CNTLN: variants seen among roughly 807,000 people sequenced by gnomAD.
CNTLN encodes the protein centlein, centrosomal protein.
CNTLN carries 212 observed loss-of-function variants against 180.0 expected under a neutral mutation model. The observed-to-expected ratio is 1.18, with a 90% confidence interval of 1.05 to 1.32. The LOEUF is 1.32. Ranked by LOEUF, CNTLN falls within the 40% of genes most tolerant of loss-of-function variation. The pLI is 0.00. For synonymous variants in CNTLN, 722 were observed against 563.1 expected (o/e 1.28, Z -3.99); for missense variants, 2,095 against 1,610.9 (o/e 1.30, Z -5.14).
chr9:17,337,139 C>T (rs561902107), intron 10 of CNTLN, among the ~76,000 whole-genome samples: 1 of 152,206 alleles, frequency 6.6e-6, no homozygotes, highest in South Asian at 2.1e-4. Flanking sequence ...ATCCTTCGCC[C>T]ACTTTTTGAT....
intron 5 of CNTLN, among the ~76,000 whole-genome samples, chr9:17,263,212 TC>T (rs1827144016): frequency 1.0e-5 from 1 of 99,420 alleles, no homozygotes; most frequent in Admixed American, 1.5e-4. Flanking sequence ...CCCACAACAG[TC>T]CCCGGAGTGT....
intron 1 of CNTLN, among the ~76,000 whole-genome samples, chr9:17,139,418 T>C (rs985966226): frequency 2.0e-5 from 3 of 151,442 alleles, no homozygotes; most frequent in Admixed American, 6.6e-5. Context: ...GACAGTAGTT[T>C]GGGAGGCTGA....
chr9:17,296,843 T>A (rs1460368964), intron 6 of CNTLN, among the ~76,000 whole-genome samples: 1 of 152,210 alleles, frequency 6.6e-6, no homozygotes, highest in Non-Finnish European at 1.5e-5. Context: ...TTTGAGAACA[T>A]TAATGTTCTA....
chr9:17,222,164 G>A (rs902686051), intron 2 of CNTLN, among the ~76,000 whole-genome samples: 1 of 151,774 alleles, frequency 6.6e-6, no homozygotes, highest in African/African-American at 2.4e-5. Flanking sequence ...TATTTCCCTT[G>A]AACTATTTTG....
intron 18 of CNTLN, among the ~76,000 whole-genome samples, chr9:17,436,420 A>C (rs1282146639): frequency 6.6e-6 from 1 of 152,208 alleles, no homozygotes; most frequent in African/African-American, 2.4e-5. Context: ...AAATAATCTT[A>C]AATTAGTTTA....
At chr9:17,290,126 C>T (rs185558941) in intron 6 of CNTLN, among the ~76,000 whole-genome samples, 4 of 152,056 alleles carry the variant, frequency 2.6e-5, no homozygotes, top group African/African-American at 4.8e-5. Context: ...TGTTTTTTCC[C>T]CATCTTTGTG....
At chr9:17,174,556 C>G (rs997266809) in intron 2 of CNTLN, among the ~76,000 whole-genome samples, 11 of 152,018 alleles carry the variant, frequency 7.2e-5, no homozygotes, top group African/African-American at 2.7e-4. Context: ...ATTAGCCGGA[C>G]GTGGTGGTGG....
intron 23 of CNTLN, among the ~76,000 whole-genome samples, chr9:17,469,291 T>C (rs1831925412): frequency 6.6e-6 from 1 of 151,810 alleles, no homozygotes; most frequent in African/African-American, 2.4e-5. Flanking sequence ...ACTCATGACT[T>C]CCAATGGCAA....
intron 18 of CNTLN, among the ~76,000 whole-genome samples, chr9:17,446,901 A>C (rs1830464339): frequency 6.6e-6 from 1 of 152,228 alleles, no homozygotes; most frequent in African/African-American, 2.4e-5. Context: ...ATCAGAGATG[A>C]ATCAGCAGTC....
the CNTLN span, among the ~76,000 whole-genome samples, chr9:17,510,043 A>G: frequency 2.0e-5 from 3 of 152,164 alleles, no homozygotes; most frequent in African/African-American, 7.2e-5. Flanking sequence ...TATATCTGGA[A>G]TACAGGTGAT....
At chr9:17,295,859 G>A (rs574112608) in intron 6 of CNTLN, among the ~76,000 whole-genome samples, 1 of 152,150 alleles carries the variant, frequency 6.6e-6, no homozygotes, top group Admixed American at 6.5e-5. Flanking sequence ...CACTTATTGA[G>A]AGCATGCCCA....
chr9:17,164,457 G>GTTTTCTT (rs1554646252), intron 2 of CNTLN, among the ~76,000 whole-genome samples: 2 of 68,456 alleles, frequency 2.9e-5, no homozygotes, highest in African/African-American at 1.2e-4. Context: ...TTATTTTTAT[G>GTTTTCTT]TTTTTTTTTT....
Position 17,236,570 on chromosome 9 carries a change from C to G in CNTLN, c.831C>G (p.Ser277Arg). The G allele has an allele frequency of 6.2e-7, 1 of 1,607,890 alleles. No homozygotes were observed. Among genetic ancestry groups the G allele is most frequent in the South Asian group, 1.1e-5 (1 of 89,972 alleles). Residue 277 changes from serine to arginine, a missense_variant, in exon 5 of 26, where the codon AGC becomes AGG. By Grantham distance (110) the Ser-to-Arg change is moderately radical. Coordinates refer to ENST00000380647, the MANE Select transcript of CNTLN (RefSeq NM_017738.4). ...CACATTTGAGAAAAGAAAAATATAG[C>G]ACTGATGCAAAAATAAAGGTATACA... ...QEAHLRKEKY[S>R]TDAKIKTFED...
At chr9:17,324,253 C>A (rs1820114342) in intron 8 of CNTLN, among the ~76,000 whole-genome samples, 1 of 152,064 alleles carries the variant, frequency 6.6e-6, no homozygotes, top group South Asian at 2.1e-4. Flanking sequence ...AGTTTAATTC[C>A]ATGAATTTTA....
chr9:17,457,484 T>A lies in CNTLN; in HGVS notation c.3115-40T>A, dbSNP rs192477201. 671 of 1,090,272 alleles carry A rather than the reference T, an allele frequency of 6.2e-4. 4 individuals carry two copies. The African/African-American group carries it at 0.01, about 16-fold the overall frequency. 67.5% of individuals were successfully genotyped at this position (1,090,272 alleles called of 1,614,324 possible). A position where few individuals can be genotyped will look rare whatever the true frequency, so the allele number is the denominator to read the frequency against. ...TTGTTAGATTAAATATAGTTACTTT[T>A]AAAATATATTTATATTTATTTTCTT... On this transcript the variant is annotated intron_variant, in intron 18 of 25. Coordinates refer to ENST00000380647, the MANE Select transcript of CNTLN (RefSeq NM_017738.4).
Position 17,200,323 on chromosome 9 carries a change from T to A in CNTLN, c.450-25880T>A, listed in dbSNP as rs1218502955. ...TTAGGATTGTCTTGGCTATAAGCGT[T>A]CTTTTGGTTTCATGTGAAATTTAGG... On this transcript the variant is annotated intron_variant, in intron 2 of 25. Transcript: ENST00000380647. 2.0e-5 allele frequency among the ~76,000 whole-genome samples: 3 copies of A among 152,302 alleles called. No homozygotes were observed. The East Asian group carries it at 5.8e-4, about 29-fold the overall frequency.
chr9:17,194,943 A>T (rs1422909818), intron 2 of CNTLN, among the ~76,000 whole-genome samples: 1 of 152,176 alleles, frequency 6.6e-6, no homozygotes, highest in Non-Finnish European at 1.5e-5. Flanking sequence ...AACCCCTGAT[A>T]AAACCATCAG....
intron 8 of CNTLN, among the ~76,000 whole-genome samples, chr9:17,329,730 A>G (rs1171808730): frequency 1.3e-5 from 2 of 151,762 alleles, no homozygotes; most frequent in Admixed American, 6.6e-5. Context: ...TTAACCGTAT[A>G]TATTTTTCTC....
chr9:17,283,223 T>C (rs1828773985), intron 6 of CNTLN, among the ~76,000 whole-genome samples: 1 of 152,198 alleles, frequency 6.6e-6, no homozygotes, highest in East Asian at 1.9e-4. Context: ...TCCATGAGCA[T>C]GGAATGTTTT....
Sources: allele counts gnomAD v4.1 joint callset (sites outside exome capture counted in the v4.1 genomes callset), GRCh38; gene constraint gnomAD v4.1.1; transcripts MANE v1.5; gene names NCBI Gene and HGNC (gene_info 2026-07-23, HGNC 2026-07-21).